Variants in VTI1B observed in about 807,000 individuals in gnomAD.
The protein encoded by VTI1B is vesicle transport through interaction with t-SNAREs homolog 1B.
VTI1B carries 18 observed loss-of-function variants against 28.6 expected under a neutral mutation model. The ratio of observed to expected loss-of-function variants is 0.63; its 90% confidence interval spans 0.43 to 0.93. VTI1B has a LOEUF of 0.93. Among genes scored for constraint, VTI1B ranks in the 40% least tolerant of loss-of-function variants. VTI1B has a pLI of 0.00. For synonymous variants in VTI1B, 100 were observed against 107.9 expected, an observed-to-expected ratio of 0.93 and a Z score of 0.46; for missense variants, 283 against 297.0, an observed-to-expected ratio of 0.95 and a Z score of 0.35.
chr14:67,674,263 G>C (rs1190863692), intron 1 of VTI1B, 112 bp downstream of exon 1: 1 of 1,013,362 alleles, frequency 9.9e-7, no homozygotes, highest in African/African-American at 1.7e-5. Flanking sequence ...GGGCGTGTCT[G>C]AGGACGCGGA....
rs1321033214 is a variant in VTI1B, at chr14:67,674,584, G to A, written c.-95C>T. On this transcript the variant is annotated 5_prime_UTR_variant, in exon 1 of 6. Transcript: ENST00000554659. The stretch of plus-strand genomic sequence containing the variant: ...AGCCGCCCAGCCCAGTGGCCATAAC[G>A]GCGACCGCCGCACCACCGCCGCCCA... The A allele has an allele frequency of 1.9e-6, 2 of 1,039,952 alleles. No individual in the cohort carries two copies. The highest frequency in any genetic ancestry group is 1.7e-5 in the African/African-American group (1 of 59,142). The allele number at this position is 1,039,952 out of a possible 1,614,324, so 64.4% of individuals were successfully genotyped here.
At chr14:67,655,712 G>A (rs2037247187) in intron 4 of VTI1B, among the ~76,000 whole-genome samples, 1 of 152,172 alleles carries the variant, frequency 6.6e-6, no homozygotes, top group Non-Finnish European at 1.5e-5. Flanking sequence ...TTAGATGTGT[G>A]AGAAATTAAA....
chr14:67,662,358 G>T, intron 2 of VTI1B, 119 bp downstream of exon 2: 1 of 952,360 alleles, frequency 1.1e-6, no homozygotes, highest in Non-Finnish European at 1.6e-6. Flanking sequence ...CATTTAGTAA[G>T]AAATAGTCAA....
At chr14:67,659,694 A>T (rs1419394369) in intron 3 of VTI1B, 37 bp downstream of exon 3, 1 of 1,562,800 alleles carries the variant, frequency 6.4e-7, no homozygotes, top group Non-Finnish European at 8.6e-7. Flanking sequence ...CAGGCCCTTA[A>T]AGGAAAAAAA....
chr14:67,660,018 TG>T (rs2037316199), intron 2 of VTI1B, 96 bp from the exon 3 acceptor site: 1 of 1,232,964 alleles, frequency 8.1e-7, no homozygotes, highest in Non-Finnish European at 1.1e-6. Context: ...CTTATTTATT[TG>T]GACTACACCA....
At chr14:67,668,832 C>G (rs778964671) in intron 1 of VTI1B, among the ~76,000 whole-genome samples, 10 of 152,140 alleles carry the variant, frequency 6.6e-5, no homozygotes, top group Non-Finnish European at 1.2e-4. Context: ...CCAAATGATG[C>G]TGATGCAGCT....
At chr14:67,670,602 G>A (rs1046944746) in intron 1 of VTI1B, among the ~76,000 whole-genome samples, 1 of 150,594 alleles carries the variant, frequency 6.6e-6, no homozygotes, top group Admixed American at 6.6e-5. Flanking sequence ...TCGCTCTGTC[G>A]CCTGCAATCT....
intron 1 of VTI1B, among the ~76,000 whole-genome samples, chr14:67,672,668 C>A (rs2037482485): frequency 6.6e-6 from 1 of 151,544 alleles, no homozygotes; most frequent in Non-Finnish European, 1.5e-5. Flanking sequence ...GTCTTGAACT[C>A]CTGACCTCAA....
Position 67,650,638 on chromosome 14 carries a change from C to A in VTI1B, c.*747G>T. On this transcript the variant is annotated 3_prime_UTR_variant, in exon 6 of 6. Coordinates refer to ENST00000554659, the MANE Select transcript of VTI1B (RefSeq NM_006370.3). Reference sequence around the variant, plus strand: ...TCTTGTTTTTACTTTGGCTTGTTCTCCCTGTCCCAGTGGGATGACCCTCAC... The same window carrying A: ...TCTTGTTTTTACTTTGGCTTGTTCTACCTGTCCCAGTGGGATGACCCTCAC... 7.3e-7 allele frequency: 1 copy of A among 1,371,462 alleles called. No individual in the cohort carries two copies. The highest frequency in any genetic ancestry group is 1.0e-6 in the Non-Finnish European group (1 of 962,678). 85.0% of individuals were successfully genotyped at this position (1,371,462 alleles called of 1,614,324 possible). A position where few individuals can be genotyped will look rare whatever the true frequency, so the allele number is the denominator to read the frequency against.
chr14:67,659,826 G>C lies in VTI1B; in HGVS notation c.271C>G (p.Leu91Val), dbSNP rs202103241. ...LRNYRKDLAK[L>V]HREVRSTPLT... The stretch of plus-strand genomic sequence containing the variant: ...GGTGTGCTTCTCACCTCCCGATGGA[G>C]TTTAGCAAGGTCCTTCCGGTAGTTT... The change falls in exon 3 of 6, where the codon CTC becomes GTC. Residue 91 changes from leucine to valine, a missense_variant. Physicochemically the swap from Leu to Val is conservative, Grantham distance 32. Transcript: ENST00000554659. The C allele has an allele frequency of 6.2e-7, 1 of 1,614,174 alleles. No homozygotes were observed. Among genetic ancestry groups the C allele is most frequent in the Non-Finnish European group, 8.5e-7 (1 of 1,180,038 alleles).
chr14:67,660,411 T>A (rs943467063), intron 2 of VTI1B, among the ~76,000 whole-genome samples: 4 of 152,090 alleles, frequency 2.6e-5, no homozygotes, highest in Non-Finnish European at 5.9e-5. Context: ...TCTCTATATA[T>A]ATATAAAAAA....
At chr14:67,658,463 G>A (rs1399709568) in intron 3 of VTI1B, among the ~76,000 whole-genome samples, 2 of 152,124 alleles carry the variant, frequency 1.3e-5, no homozygotes, top group Non-Finnish European at 2.9e-5. Context: ...CGGGCGTGGT[G>A]GTGGGCGCCT....
intron 1 of VTI1B, chr14:67,663,070 T>A (rs1474021176): frequency 1.4e-6 from 2 of 1,470,428 alleles, no homozygotes; most frequent in African/African-American, 2.8e-5. Context: ...CTTGTTTTTC[T>A]CTGGGTGTGG....
chr14:67,647,989 T>TC lies in VTI1B; in HGVS notation c.*3395dup. 2 of 1,496,248 alleles carry TC rather than the reference T, an allele frequency of 1.3e-6. No homozygotes were observed. The highest frequency in any genetic ancestry group is 1.8e-6 in the Non-Finnish European group (2 of 1,101,038). The allele number at this position is 1,496,248 out of a possible 1,614,324, so 92.7% of individuals were successfully genotyped here. ...GTTGCAACCATAAGAAGGATGAGTG[T>TC]CCAAGGACAACCAGTTAAGTATTAT... On this transcript the variant is annotated 3_prime_UTR_variant, in exon 6 of 6. Transcript: ENST00000554659.
rs188313401 is a variant in VTI1B, at chr14:67,657,528, A to G, written c.367-939T>C. On this transcript the variant is annotated intron_variant, in intron 3 of 5. Transcript: ENST00000554659. ...AAGAAAAAAGTAGCCTTGTCAGGCC[A>G]GAATTAACAACCACTGACAGAAACG... Among the ~76,000 whole-genome samples the G allele has an allele frequency of 5.9e-5, 9 of 152,302 alleles. No individual in the cohort carries two copies. The South Asian group carries it at 1.9e-3, about 32-fold the overall frequency.
chr14:67,648,099 C>G lies in VTI1B; in HGVS notation c.*3286G>C. On this transcript the variant is annotated 3_prime_UTR_variant, in exon 6 of 6. Transcript: ENST00000554659. ...TGATATTGATGCATTTGACCCTACA[C>G]TGGCTCCAGCCACAGGAACTCCTGT... The G allele has an allele frequency of 6.2e-7, 1 of 1,613,938 alleles. No homozygotes were observed. The highest frequency in any genetic ancestry group is 8.5e-7 in the Non-Finnish European group (1 of 1,179,852).
chr14:67,652,357 G>T, intron 5 of VTI1B: 1 of 166,888 alleles, frequency 6.0e-6, no homozygotes. Context: ...TCACTGCTGT[G>T]ATGACTGAAG....
At position 67,650,244 on chromosome 14, in the gene VTI1B, GA is replaced by G. The variant is rs2037155054; in HGVS notation, c.*1140del. Reference sequence around the variant, plus strand: ...ATGGTGTGGTGCTCTAACAGATACAGATAACACATTAGAGTTCAAAAGTGGG... The same window carrying G: ...ATGGTGTGGTGCTCTAACAGATACAGTAACACATTAGAGTTCAAAAGTGGG... On this transcript the variant is annotated 3_prime_UTR_variant, in exon 6 of 6. Transcript: ENST00000554659. 4.9e-6 allele frequency: 1 copy of G among 202,626 alleles called. No individual in the cohort carries two copies. Among genetic ancestry groups the G allele is most frequent in the Admixed American group, 5.3e-5 (1 of 18,892 alleles). The allele number at this position is 202,626 out of a possible 1,614,324, so 12.6% of individuals were successfully genotyped here. A position where few individuals can be genotyped will look rare whatever the true frequency, so the allele number is the denominator to read the frequency against.
rs762913933 is a variant in VTI1B, at chr14:67,651,324, C to A, written c.*61G>T. On this transcript the variant is annotated 3_prime_UTR_variant, in exon 6 of 6. Coordinates refer to ENST00000554659, the MANE Select transcript of VTI1B (RefSeq NM_006370.3). ...AGCAATATGCTTATTCTATCCACAT[C>A]CCTAACATCATGCATTCACAAGGTC... 6.2e-6 allele frequency: 10 copies of A among 1,610,618 alleles called. No individual in the cohort carries two copies. The South Asian group carries it at 9.9e-5, about 16-fold the overall frequency.
Sources: gnomAD v4.1 joint callset for allele counts (sites outside exome capture counted in the v4.1 genomes callset) on GRCh38, gnomAD v4.1.1 for gene constraint, MANE v1.5 for transcripts, NCBI Gene and HGNC (gene_info 2026-07-23, HGNC 2026-07-21) for gene names.